LRP1B: variants seen among roughly 807,000 people sequenced by gnomAD.
The protein encoded by LRP1B is low-density lipoprotein receptor-related protein 1B.
Under a neutral mutation model 556.6 loss-of-function variants are expected in LRP1B, and 217 were observed. The ratio of observed to expected loss-of-function variants is 0.39; its 90% confidence interval spans 0.35 to 0.44. The LOEUF is 0.44. Among genes scored for constraint, LRP1B ranks in the 20% least tolerant of loss-of-function variants. The pLI is 1.00. For missense variants in LRP1B, 5,053 were observed against 5,620.8 expected (o/e 0.90, Z 3.23); for synonymous variants, 2,047 against 1,865.8 (o/e 1.10, Z -2.50).
At chr2:140,984,338 TTCC>T (rs1696857714) in intron 17 of LRP1B, among the ~76,000 whole-genome samples, 1 of 152,028 alleles carries the variant, frequency 6.6e-6, no homozygotes, top group Admixed American at 6.6e-5. Flanking sequence ...CATACCTTTC[TTCC>T]TCCTTCATTC....
intron 41 of LRP1B, among the ~76,000 whole-genome samples, chr2:140,697,696 T>A (rs1686481177): frequency 6.6e-6 from 1 of 152,004 alleles, no homozygotes; most frequent in African/African-American, 2.4e-5. Flanking sequence ...AAAGGACAAA[T>A]ACATGATGAT....
intron 35 of LRP1B, among the ~76,000 whole-genome samples, chr2:140,739,718 T>G (rs192978419): frequency 1.3e-5 from 2 of 152,274 alleles, no homozygotes; most frequent in East Asian, 3.9e-4. Context: ...GCTGATTGGA[T>G]AATTTAAACA....
intron 7 of LRP1B, among the ~76,000 whole-genome samples, chr2:141,160,117 G>A (rs1679942961): frequency 1.3e-5 from 2 of 151,542 alleles, no homozygotes; most frequent in African/African-American, 4.8e-5. Context: ...TTTTTTTTTA[G>A]AAGAAATAAA....
intron 32 of LRP1B, among the ~76,000 whole-genome samples, chr2:140,803,290 T>TTTTTTTTTTTTTTTTTTTTTTTC (rs869303438): frequency 3.5e-5 from 4 of 115,260 alleles, no homozygotes; most frequent in African/African-American, 1.4e-4. Flanking sequence ...TTTTTTTTTT[T>TTTTTTTTTTTTTTTTTTTTTTTC]CCGAGATGGA....
At chr2:141,401,810 T>C (rs924754104) in intron 3 of LRP1B, among the ~76,000 whole-genome samples, 8 of 152,182 alleles carry the variant, frequency 5.3e-5, no homozygotes, top group African/African-American at 1.9e-4. Context: ...CACTACCATA[T>C]GTTACAAGGA....
At chr2:140,764,902 A>G (rs1689048489) in intron 35 of LRP1B, among the ~76,000 whole-genome samples, 1 of 152,212 alleles carries the variant, frequency 6.6e-6, no homozygotes, top group Non-Finnish European at 1.5e-5. Flanking sequence ...TGTCTTAGCC[A>G]GATTACTATG....
intron 41 of LRP1B, among the ~76,000 whole-genome samples, chr2:140,653,971 G>T (rs1272928802): frequency 7.7e-6 from 1 of 129,684 alleles, no homozygotes; most frequent in Non-Finnish European, 1.5e-5. Context: ...GTTGCAATGA[G>T]CCAAGATCCT....
intron 2 of LRP1B, among the ~76,000 whole-genome samples, chr2:141,788,869 T>C (rs868504915): frequency 6.6e-5 from 10 of 152,006 alleles, no homozygotes; most frequent in African/African-American, 1.7e-4. Context: ...GACATGAACT[T>C]ATCATTTTTT....
rs533304563 is a variant in LRP1B at position 141,030,090 on chromosome 2, TTCTTA to T, written c.1790-9993_1790-9989del. Among the ~76,000 whole-genome samples the T allele has an allele frequency of 7.9e-5, 12 of 152,324 alleles. No individual in the cohort carries two copies. The East Asian group carries it at 2.1e-3, about 27-fold the overall frequency. ...TCATTTTGATTCCTCTAAATGAGTT[TTCTTA>T]TCTTGAAATGAAAAGTTACTTGCCA... On this transcript the variant is annotated intron_variant, in intron 11 of 90. Coordinates refer to ENST00000389484, the MANE Select transcript of LRP1B (RefSeq NM_018557.3).
intron 1 of LRP1B, among the ~76,000 whole-genome samples, chr2:142,093,694 G>A (rs16848107): frequency 0.21 from 31,326 of 151,976 alleles, 3,440 homozygotes; most frequent in Middle Eastern, 0.42. Flanking sequence ...GTGTAAAAGA[G>A]TAAACCTGTG....
At chr2:140,902,805 A>G (rs1694142969) in intron 23 of LRP1B, 115 bp downstream of exon 23, 3 of 1,098,476 alleles carry the variant, frequency 2.7e-6, no homozygotes, top group Middle Eastern at 4.4e-4. Context: ...TTATAGTTAA[A>G]TGCTTTATCT....
intron 3 of LRP1B, among the ~76,000 whole-genome samples, chr2:141,473,629 T>A (rs1358834354): frequency 1.3e-5 from 2 of 152,182 alleles, no homozygotes; most frequent in African/African-American, 4.8e-5. Flanking sequence ...TCTTAACTTG[T>A]AAGAGCTTTA....
At position 140,358,904 on chromosome 2, in the gene LRP1B, T is replaced by C. The variant is rs1462861368; in HGVS notation, c.11174A>G (p.Asn3725Ser). Residue 3725 changes from asparagine to serine, a missense_variant, in exon 73 of 91, where the codon AAT becomes AGT. Physicochemically the swap from Asn to Ser is conservative, Grantham distance 46. Transcript: ENST00000389484. ...CPSTRPHRCR[N>S]NRICLQSEQM... ...CTCCGACTGTAGGCATATTCTGTTA[T>C]TTCTGCATCTGTGAGGTCTCGTGGA... 6.2e-7 allele frequency: 1 copy of C among 1,608,836 alleles called. No individual in the cohort carries two copies. The highest frequency in any genetic ancestry group is 8.5e-7 in the Non-Finnish European group (1 of 1,176,236).
intron 2 of LRP1B, among the ~76,000 whole-genome samples, chr2:141,489,314 C>A (rs562843372): frequency 6.6e-6 from 1 of 151,954 alleles, no homozygotes; most frequent in East Asian, 1.9e-4. Context: ...GCTTTTCACA[C>A]ACAGTTAGAT....
intron 1 of LRP1B, among the ~76,000 whole-genome samples, chr2:141,943,642 G>C (rs1008194285): frequency 2.0e-5 from 3 of 151,984 alleles, no homozygotes; most frequent in Non-Finnish European, 4.4e-5. Flanking sequence ...AAAATCACTA[G>C]AGGAAAAACA....
At chr2:141,106,675 T>C (rs1006414473) in intron 7 of LRP1B, among the ~76,000 whole-genome samples, 2 of 152,298 alleles carry the variant, frequency 1.3e-5, no homozygotes, top group South Asian at 2.1e-4. Context: ...TCATAAGCTC[T>C]GACTTTAGGG....
Position 141,955,673 on chromosome 2 carries a change from T to C in LRP1B, c.83-145272A>G, listed in dbSNP as rs772603821. Among the ~76,000 whole-genome samples, 66 of 152,112 alleles carry C rather than the reference T, an allele frequency of 4.3e-4. No homozygotes were observed. In the Middle Eastern group the frequency reaches 0.014, roughly 31 times the overall value. On this transcript the variant is annotated intron_variant, in intron 1 of 90. Coordinates refer to ENST00000389484, the MANE Select transcript of LRP1B (RefSeq NM_018557.3). ...GAAGCTAGGTTATTTATTCCCTGGGTTCCTTCCCTCCTGAGTCAGCTCACA... is the reference window on the plus strand; with the variant it reads ...GAAGCTAGGTTATTTATTCCCTGGGCTCCTTCCCTCCTGAGTCAGCTCACA...
chr2:141,604,099 T>C (rs994358784), intron 2 of LRP1B, among the ~76,000 whole-genome samples: 6 of 152,184 alleles, frequency 3.9e-5, no homozygotes, highest in Non-Finnish European at 8.8e-5. Flanking sequence ...ACAACTTCTG[T>C]GTATGAAATG....
intron 7 of LRP1B, among the ~76,000 whole-genome samples, chr2:141,080,565 G>A (rs1353119116): frequency 1.3e-5 from 2 of 152,162 alleles, no homozygotes; most frequent in Non-Finnish European, 2.9e-5. Context: ...AAACTTCAGA[G>A]ACAGCTATTT....
Sources: allele counts gnomAD v4.1 joint callset (sites outside exome capture counted in the v4.1 genomes callset), GRCh38; gene constraint gnomAD v4.1.1; transcripts MANE v1.5; gene names NCBI Gene and HGNC (gene_info 2026-07-23, HGNC 2026-07-21).